Variants in CNTN4 observed in about 807,000 individuals in gnomAD.
CNTN4 encodes the protein contactin 4, also known as contactin-4.
CNTN4 carries 77 observed loss-of-function variants against 122.5 expected under a neutral mutation model. The ratio of observed to expected loss-of-function variants is 0.63; its 90% CI spans 0.52 to 0.76. The LOEUF is 0.76. Among genes scored for constraint, CNTN4 ranks in the 30% least tolerant of loss-of-function variants. CNTN4 has a pLI of 0.00. For missense variants in CNTN4, 1,256 were observed against 1,259.1 expected (o/e 1.00, Z 0.04); for synonymous variants, 512 against 447.0 (o/e 1.15, Z -1.83).
At chr3:2,288,034 A>C (rs567116625) in intron 2 of CNTN4, among the ~76,000 whole-genome samples, 13 of 152,334 alleles carry the variant, frequency 8.5e-5, no homozygotes, top group African/African-American at 2.6e-4. Flanking sequence ...TTTAACAGAA[A>C]CATAGGCGTT....
chr3:2,196,903 G>A (rs1467992753), intron 2 of CNTN4, among the ~76,000 whole-genome samples: 1 of 151,790 alleles, frequency 6.6e-6, no homozygotes, highest in Non-Finnish European at 1.5e-5. Context: ...AATTAGCCAG[G>A]CATGGTGGTG....
intron 2 of CNTN4, among the ~76,000 whole-genome samples, chr3:2,240,710 G>A (rs2039897638): frequency 6.6e-6 from 1 of 152,078 alleles, no homozygotes; most frequent in Admixed American, 6.5e-5. Context: ...GTAATGTCAA[G>A]CAACGAAGCT....
chr3:2,988,826 C>A, intron 14 of CNTN4: 1 of 281,466 alleles, frequency 3.6e-6, no homozygotes, highest in Non-Finnish European at 6.9e-6. Context: ...AAATTAAAAA[C>A]TCAAGACTCA....
intron 7 of CNTN4, among the ~76,000 whole-genome samples, chr3:2,844,211 G>A (rs533584986): frequency 6.6e-6 from 1 of 152,198 alleles, no homozygotes; most frequent in African/African-American, 2.4e-5. Flanking sequence ...TTTTCAAATA[G>A]TACTCACCAT....
At chr3:2,488,266 A>C (rs1026914132) in intron 3 of CNTN4, among the ~76,000 whole-genome samples, 1 of 152,206 alleles carries the variant, frequency 6.6e-6, no homozygotes, top group Non-Finnish European at 1.5e-5. Context: ...CTTTTGCTCA[A>C]TGTCATTTCC....
At chr3:2,907,976 A>T (rs745401395) in intron 12 of CNTN4, among the ~76,000 whole-genome samples, 3 of 152,166 alleles carry the variant, frequency 2.0e-5, no homozygotes, top group Non-Finnish European at 2.9e-5. Context: ...CTGAACTATG[A>T]CAATTGGCAG....
intron 3 of CNTN4, among the ~76,000 whole-genome samples, chr3:2,570,939 G>C (rs1212624549): frequency 6.6e-6 from 1 of 152,144 alleles, no homozygotes; most frequent in East Asian, 1.9e-4. Context: ...AAAATTGTTT[G>C]AGTTAATGGG....
chr3:2,991,386 C>A (rs1695036424), intron 14 of CNTN4, among the ~76,000 whole-genome samples: 1 of 152,096 alleles, frequency 6.6e-6, no homozygotes, highest in Admixed American at 6.5e-5. Flanking sequence ...CTGGCAGTGG[C>A]TCCTGGTTCT....
intron 6 of CNTN4, among the ~76,000 whole-genome samples, chr3:2,799,233 A>T (rs949511076): frequency 6.6e-6 from 1 of 152,010 alleles, no homozygotes. Flanking sequence ...AAGATCCTGG[A>T]TATTAGTTCC....
intron 14 of CNTN4, chr3:3,008,919 C>T (rs1005518231): frequency 1.0e-6 from 1 of 983,236 alleles, no homozygotes; most frequent in Non-Finnish European, 1.2e-6. Flanking sequence ...ATCTAATAAG[C>T]TGTGAGATTC....
intron 4 of CNTN4, among the ~76,000 whole-genome samples, chr3:2,645,747 G>A (rs1019320753): frequency 1.3e-5 from 2 of 152,218 alleles, no homozygotes; most frequent in Non-Finnish European, 2.9e-5. Context: ...TTCACTCTTT[G>A]TTCATGATGA....
intron 6 of CNTN4, among the ~76,000 whole-genome samples, chr3:2,751,740 C>T (rs1196916772): frequency 6.6e-6 from 1 of 152,030 alleles, no homozygotes; most frequent in African/African-American, 2.4e-5. Context: ...TGTGCACAGT[C>T]ACTCAACACA....
chr3:2,473,761 C>G (rs1433504273), intron 3 of CNTN4, among the ~76,000 whole-genome samples: 1 of 152,032 alleles, frequency 6.6e-6, no homozygotes, highest in Non-Finnish European at 1.5e-5. Flanking sequence ...GACTGTAATC[C>G]CAGCACTTTG....
chr3:2,267,848 A>G (rs980350408), intron 2 of CNTN4, among the ~76,000 whole-genome samples: 2 of 152,056 alleles, frequency 1.3e-5, no homozygotes, highest in African/African-American at 2.4e-5. Context: ...CATATATATA[A>G]CAGGCTTTTC....
chr3:2,169,499 C>T (rs942544246), intron 2 of CNTN4, among the ~76,000 whole-genome samples: 60 of 151,790 alleles, frequency 4.0e-4, no homozygotes, highest in African/African-American at 1.3e-3. Flanking sequence ...CTCCGCCTCC[C>T]GGGTTCCCGC....
intron 3 of CNTN4, among the ~76,000 whole-genome samples, chr3:2,484,522 T>C (rs1402962984): frequency 6.6e-6 from 1 of 152,100 alleles, no homozygotes; most frequent in Non-Finnish European, 1.5e-5. Context: ...ATGGAATTGC[T>C]AAAGGAAATA....
chr3:2,143,410 A>G (rs1369390769), intron 2 of CNTN4, among the ~76,000 whole-genome samples: 2 of 152,224 alleles, frequency 1.3e-5, no homozygotes, highest in African/African-American at 4.8e-5. Context: ...TTTCACAACA[A>G]CTAAGAATAT....
rs2083163094 is a variant in CNTN4 at position 2,647,194 on chromosome 3, A to G, written c.55+75636A>G. ...TCAGGAGTTCGAGATCAGCCTGGCCAACATGGTGAGACCCCGTCCCTACTA... is the reference window on the plus strand; with the variant it reads ...TCAGGAGTTCGAGATCAGCCTGGCCGACATGGTGAGACCCCGTCCCTACTA... On this transcript the variant is annotated intron_variant, in intron 4 of 24. Coordinates refer to ENST00000418658, the MANE Select transcript of CNTN4 (RefSeq NM_175607.3). Among the ~76,000 whole-genome samples, 5 of 152,070 alleles carry G rather than the reference A, an allele frequency of 3.3e-5. No homozygotes were observed. The South Asian group carries it at 1.0e-3, about 32-fold the overall frequency.
At chr3:2,978,867 T>A (rs972308196) in intron 13 of CNTN4, among the ~76,000 whole-genome samples, 2 of 152,180 alleles carry the variant, frequency 1.3e-5, no homozygotes, top group Admixed American at 1.3e-4. Context: ...TGAGAAGTAG[T>A]CTTACCGAAA....
Sources: gnomAD v4.1 joint callset for allele counts (sites outside exome capture counted in the v4.1 genomes callset) on GRCh38, gnomAD v4.1.1 for gene constraint, MANE v1.5 for transcripts, NCBI Gene and HGNC (gene_info 2026-07-23, HGNC 2026-07-21) for gene names.